The following SKAP2 variants were observed in gnomAD, a reference collection of about 807,000 sequenced individuals.
SKAP2 encodes src kinase-associated phosphoprotein 2.
SKAP2 carries 28 observed loss-of-function variants against 54.9 expected under a neutral mutation model. The observed-to-expected ratio is 0.51, with a 90% CI of 0.38 to 0.70. SKAP2 has a LOEUF of 0.70. SKAP2 is among the 30% of genes least tolerant of loss of function. The probability of loss-of-function intolerance (pLI) is 0.00; values close to 1 mark genes in which losing one functional copy is unlikely to be tolerated. For synonymous variants in SKAP2, 137 were observed against 134.3 expected (o/e 1.02, Z -0.14); for missense variants, 356 against 424.1 (o/e 0.84, Z 1.41).
At chr7:26,713,966 C>T (rs1787370018) in intron 9 of SKAP2, among the ~76,000 whole-genome samples, 2 of 152,268 alleles carry the variant, frequency 1.3e-5, no homozygotes, top group South Asian at 4.1e-4. Context: ...AAGGTGGAGA[C>T]AGTTTCAAGA....
chr7:26,833,798 A>G (rs1784650025), intron 4 of SKAP2, among the ~76,000 whole-genome samples: 1 of 152,178 alleles, frequency 6.6e-6, no homozygotes, highest in Admixed American at 6.5e-5. Context: ...ACGAGACAGA[A>G]AATTAACAAG....
chr7:26,666,579 A>T (rs1786108647), downstream of SKAP2, among the ~76,000 whole-genome samples: 1 of 152,150 alleles, frequency 6.6e-6, no homozygotes, highest in Admixed American at 6.6e-5. Context: ...ACAAAACAAA[A>T]CATGAAACAA....
intron 10 of SKAP2, among the ~76,000 whole-genome samples, chr7:26,686,872 T>C (rs772735575): frequency 6.6e-6 from 1 of 152,106 alleles, no homozygotes; most frequent in Non-Finnish European, 1.5e-5. Context: ...AGGATCTAAA[T>C]GGCTGGTTTC....
At chr7:26,856,111 A>C (rs536063556) in intron 1 of SKAP2, among the ~76,000 whole-genome samples, 15 of 152,256 alleles carry the variant, frequency 9.9e-5, no homozygotes, top group Non-Finnish European at 1.8e-4. Context: ...TTAAACTTTT[A>C]TACATTCATA....
chr7:26,836,571 A>G (rs1026344754), intron 4 of SKAP2, among the ~76,000 whole-genome samples: 1 of 152,250 alleles, frequency 6.6e-6, no homozygotes, highest in African/African-American at 2.4e-5. Flanking sequence ...TTATGCGGCC[A>G]AAAACATAAG....
intron 10 of SKAP2, among the ~76,000 whole-genome samples, chr7:26,689,428 T>C (rs1410409047): frequency 6.6e-6 from 1 of 152,202 alleles, no homozygotes; most frequent in Non-Finnish European, 1.5e-5. Context: ...TCTCCTGCTA[T>C]TTGGAAATAA....
rs533234630 is a variant in SKAP2 at position 26,826,596 on chromosome 7, C to G, written c.307+17434G>C. 3.3e-5 allele frequency among the ~76,000 whole-genome samples: 5 copies of G among 152,292 alleles called. No homozygotes were observed. The South Asian group carries it at 8.3e-4, about 25-fold the overall frequency. On this transcript the variant is annotated intron_variant, in intron 4 of 12. Coordinates refer to ENST00000345317, the MANE Select transcript of SKAP2 (RefSeq NM_003930.5). ...TGTTCTACATATCAAAAATCTTATT[C>G]TCCTAGACCTGGTTCAAATGCCATT...
intron 4 of SKAP2, among the ~76,000 whole-genome samples, chr7:26,819,415 C>G (rs762324761): frequency 1.5e-4 from 23 of 151,522 alleles, no homozygotes; most frequent in Non-Finnish European, 2.9e-4. Context: ...CTGCACCTGT[C>G]GGGGGGTGGG....
chr7:26,774,826 A>G (rs531746256), intron 4 of SKAP2, among the ~76,000 whole-genome samples: 1 of 152,300 alleles, frequency 6.6e-6, no homozygotes, highest in East Asian at 1.9e-4. Context: ...TGTTGAAAAT[A>G]TTTTGAGTTA....
At chr7:26,840,990 C>G (rs1198195496) in intron 4 of SKAP2, among the ~76,000 whole-genome samples, 1 of 151,966 alleles carries the variant, frequency 6.6e-6, no homozygotes, top group African/African-American at 2.4e-5. Flanking sequence ...AAGCTACAAG[C>G]TATACAAAAA....
At chr7:26,759,814 G>A (rs573103382) in intron 4 of SKAP2, among the ~76,000 whole-genome samples, 2 of 152,148 alleles carry the variant, frequency 1.3e-5, no homozygotes, top group East Asian at 3.9e-4. Context: ...GTAAATACAA[G>A]TTTTCTGGCC....
chr7:26,693,102 C>T (rs571115513), intron 9 of SKAP2, among the ~76,000 whole-genome samples: 83 of 152,152 alleles, frequency 5.5e-4, no homozygotes, highest in African/African-American at 1.5e-3. Flanking sequence ...GAGGCCCAGG[C>T]GGGTGGATCA....
At position 26,754,337 on chromosome 7, in the gene SKAP2, C is replaced by T. The variant is rs1782744472; in HGVS notation, c.308-14373G>A. Reference sequence around the variant, plus strand: ...CAAGATCACACCACAGAACTCCAGTCTGGGCAACACAGTGAGACTCCGTCA... The same window carrying T: ...CAAGATCACACCACAGAACTCCAGTTTGGGCAACACAGTGAGACTCCGTCA... On this transcript the variant is annotated intron_variant, in intron 4 of 12. Coordinates refer to ENST00000345317, the MANE Select transcript of SKAP2 (RefSeq NM_003930.5). 2.7e-5 allele frequency among the ~76,000 whole-genome samples: 4 copies of T among 148,214 alleles called. No individual in the cohort carries two copies. In the South Asian group the frequency reaches 8.5e-4, roughly 32 times the overall value.
intron 4 of SKAP2, among the ~76,000 whole-genome samples, chr7:26,787,881 A>C (rs1305148156): frequency 6.6e-6 from 1 of 151,992 alleles, no homozygotes; most frequent in Non-Finnish European, 1.5e-5. Context: ...TTTTTAACCG[A>C]GTCTCGCTCT....
intron 11 of SKAP2, among the ~76,000 whole-genome samples, chr7:26,678,982 T>C (rs982990622): frequency 5.9e-5 from 9 of 152,040 alleles, no homozygotes; most frequent in African/African-American, 1.9e-4. Flanking sequence ...AAATCATGAA[T>C]TGTTCAACTG....
intron 11 of SKAP2, among the ~76,000 whole-genome samples, chr7:26,675,563 T>C (rs1049545268): frequency 1.3e-5 from 2 of 152,188 alleles, no homozygotes; most frequent in Admixed American, 1.3e-4. Context: ...GCAGGAGATA[T>C]AAAAGATGTT....
chr7:26,775,931 G>T (rs1359783610), intron 4 of SKAP2, among the ~76,000 whole-genome samples: 1 of 151,998 alleles, frequency 6.6e-6, no homozygotes, highest in Non-Finnish European at 1.5e-5. Flanking sequence ...TTTCTACCTG[G>T]CTTTTTAGAA....
intron 4 of SKAP2, among the ~76,000 whole-genome samples, chr7:26,811,354 G>C (rs1016804924): frequency 1.5e-4 from 23 of 152,020 alleles, no homozygotes. Context: ...TTACCTTAAA[G>C]GCTTCAGGAA....
intron 4 of SKAP2, among the ~76,000 whole-genome samples, chr7:26,831,931 C>T (rs1584415863): frequency 6.6e-6 from 1 of 152,272 alleles, no homozygotes; most frequent in African/African-American, 2.4e-5. Flanking sequence ...GTTAGTCTTT[C>T]CACAGTTCAT....
Sources: allele counts gnomAD v4.1 joint callset (sites outside exome capture counted in the v4.1 genomes callset), GRCh38; gene constraint gnomAD v4.1.1; transcripts MANE v1.5; gene names NCBI Gene and HGNC (gene_info 2026-07-23, HGNC 2026-07-21).